Variants in DYNC2H1 observed in about 807,000 individuals in gnomAD.
DYNC2H1 encodes dynein cytoplasmic 2 heavy chain 1.
In DYNC2H1, 410 loss-of-function variants were observed where a neutral mutation model predicts 570.0. The ratio of observed to expected loss-of-function variants is 0.72; its 90% CI spans 0.66 to 0.78. The LOEUF (loss-of-function observed/expected upper bound fraction) is 0.78, where lower values mean the gene tolerates loss of function less well. Among genes scored for constraint, DYNC2H1 ranks in the 30% least tolerant of loss-of-function variants. DYNC2H1 has a pLI of 0.00. For missense variants in DYNC2H1, 4,865 were observed against 5,046.4 expected, an observed-to-expected ratio of 0.96 and a Z score of 1.09; for synonymous variants, 1,688 against 1,677.6, an observed-to-expected ratio of 1.01 and a Z score of -0.15.
intron 83 of DYNC2H1, among the ~76,000 whole-genome samples, chr11:103,359,637 C>G (rs916559965): frequency 4.0e-5 from 6 of 151,258 alleles, no homozygotes; most frequent in Non-Finnish European, 7.4e-5. Flanking sequence ...CTCTGCCTTT[C>G]CCCAAACCCT....
rs115184909 is a variant in DYNC2H1 at position 103,422,708 on chromosome 11, A to G, written c.12367-13235A>G. On this transcript the variant is annotated intron_variant, in intron 84 of 88. Transcript: ENST00000375735. ...CATATCTCAGGATAGAGAGCCATAT[A>G]TGACAAACCCATAGTGATGTAATAA... Among the ~76,000 whole-genome samples, 761 of 152,308 alleles carry G rather than the reference A, an allele frequency of 5.0e-3. 6 individuals carry two copies. The highest frequency in any genetic ancestry group is 0.017 in the African/African-American group (726 of 41,580).
At chr11:103,457,205 A>G (rs1191697478) in intron 87 of DYNC2H1, among the ~76,000 whole-genome samples, 1 of 152,258 alleles carries the variant, frequency 6.6e-6, no homozygotes, top group Non-Finnish European at 1.5e-5. Flanking sequence ...ATAATTATGT[A>G]TAGTACATAA....
intron 70 of DYNC2H1, among the ~76,000 whole-genome samples, chr11:103,272,532 C>T (rs1254806979): frequency 6.6e-6 from 1 of 152,048 alleles, no homozygotes; most frequent in African/African-American, 2.4e-5. Context: ...TGTAGCAAAC[C>T]TGCACGTTGT....
At position 103,256,350 on chromosome 11, in the gene DYNC2H1, A is replaced by T; in HGVS notation, c.10461+110A>T. On this transcript the variant is annotated intron_variant, in intron 68 of 88. Transcript: ENST00000375735. The surrounding 1 kb of genome is among the most constrained non-coding windows in gnomAD (Gnocchi z 4.0). ...CAGGGGAAAGATGATGTGAAAAGAA[A>T]AAAGCTATTCAAAAACATCAGAACA... The T allele has an allele frequency of 8.8e-7, 1 of 1,133,360 alleles. No individual in the cohort carries two copies. The highest frequency in any genetic ancestry group is 1.2e-6 in the Non-Finnish European group (1 of 814,442). The allele number at this position is 1,133,360 out of a possible 1,614,324, so 70.2% of individuals were successfully genotyped here.
At chr11:103,445,651 TTTG>T (rs893673772) in intron 85 of DYNC2H1, among the ~76,000 whole-genome samples, 23 of 152,068 alleles carry the variant, frequency 1.5e-4, no homozygotes, top group African/African-American at 4.6e-4. Flanking sequence ...ATTTCAAAGT[TTTG>T]TTGTTGTTGT....
chr11:103,320,816 G>T (rs1403658504), intron 80 of DYNC2H1, among the ~76,000 whole-genome samples: 1 of 151,898 alleles, frequency 6.6e-6, no homozygotes, highest in Non-Finnish European at 1.5e-5. Flanking sequence ...TTCTATCTTT[G>T]CTATAAGGAT....
intron 47 of DYNC2H1, among the ~76,000 whole-genome samples, chr11:103,194,688 CTTCAT>C (rs951085170): frequency 1.3e-5 from 2 of 151,656 alleles, no homozygotes; most frequent in African/African-American, 4.8e-5. Flanking sequence ...GGTGGAATGT[CTTCAT>C]TTCTTTTATC....
At chr11:103,344,553 C>A (rs1262056433) in intron 82 of DYNC2H1, among the ~76,000 whole-genome samples, 1 of 152,088 alleles carries the variant, frequency 6.6e-6, no homozygotes, top group Non-Finnish European at 1.5e-5. Flanking sequence ...ACATTCATAC[C>A]CTAGGTATCT....
intron 83 of DYNC2H1, among the ~76,000 whole-genome samples, chr11:103,384,738 C>A (rs1161164136): frequency 6.6e-6 from 1 of 152,056 alleles, no homozygotes; most frequent in East Asian, 1.9e-4. Context: ...ATATTTTAGT[C>A]TGTCTTTCTT....
intron 84 of DYNC2H1, among the ~76,000 whole-genome samples, chr11:103,421,854 G>A (rs1029169738): frequency 1.3e-5 from 2 of 150,614 alleles, no homozygotes; most frequent in Admixed American, 1.3e-4. Flanking sequence ...AAATTACCGA[G>A]ATCAGAGCTG....
chr11:103,455,740 A>G (rs1251515168), intron 86 of DYNC2H1, among the ~76,000 whole-genome samples: 1 of 152,156 alleles, frequency 6.6e-6, no homozygotes, highest in Non-Finnish European at 1.5e-5. Context: ...ATTCTGCTGG[A>G]CAGTGCTGAC....
intron 17 of DYNC2H1, among the ~76,000 whole-genome samples, chr11:103,139,050 G>A (rs569983304): frequency 1.0e-4 from 15 of 150,000 alleles, no homozygotes; most frequent in South Asian, 2.1e-4. Flanking sequence ...CTGTGGGATC[G>A]GTGGTGATAT....
intron 39 of DYNC2H1, among the ~76,000 whole-genome samples, chr11:103,180,526 A>G (rs1018569032): frequency 1.3e-5 from 2 of 151,772 alleles, no homozygotes; most frequent in Admixed American, 1.3e-4. Flanking sequence ...ATATGATTTC[A>G]TGTAAAATAC....
At chr11:103,115,448 A>G (rs1398687084) in intron 4 of DYNC2H1, among the ~76,000 whole-genome samples, 153 bp downstream of exon 4, 2 of 152,200 alleles carry the variant, frequency 1.3e-5, no homozygotes, top group Non-Finnish European at 2.9e-5. Context: ...GTATATGTAA[A>G]ATGAATTGAG....
chr11:103,312,560 AAAAAAAC>A (rs1565486769), intron 79 of DYNC2H1, among the ~76,000 whole-genome samples: 4 of 111,280 alleles, frequency 3.6e-5, no homozygotes, highest in Admixed American at 1.1e-4. Flanking sequence ...AAAAAAAAAA[AAAAAAAC>A]CAATTGTAAT....
chr11:103,328,967 A>G (rs1938633683), intron 82 of DYNC2H1, among the ~76,000 whole-genome samples: 1 of 152,192 alleles, frequency 6.6e-6, no homozygotes, highest in East Asian at 1.9e-4. Context: ...CCATGCAATA[A>G]TGTTTATTTG....
At chr11:103,378,354 T>A (rs777250174) in intron 83 of DYNC2H1, among the ~76,000 whole-genome samples, 7 of 152,170 alleles carry the variant, frequency 4.6e-5, no homozygotes, top group Non-Finnish European at 7.3e-5. Context: ...AGTTCTAACA[T>A]TGTGGGACTG....
At chr11:103,114,667 G>A (rs941562756) in intron 3 of DYNC2H1, among the ~76,000 whole-genome samples, 4 of 152,108 alleles carry the variant, frequency 2.6e-5, no homozygotes, top group Admixed American at 2.6e-4. Flanking sequence ...TTGTTCCTAG[G>A]AGCAATACAA....
intron 84 of DYNC2H1, among the ~76,000 whole-genome samples, chr11:103,424,229 T>A (rs1943588468): frequency 6.6e-6 from 1 of 150,552 alleles, no homozygotes; most frequent in South Asian, 2.1e-4. Context: ...TCTAGAGAGG[T>A]GACTTTGATG....
Sources: allele counts gnomAD v4.1 joint callset (sites outside exome capture counted in the v4.1 genomes callset), GRCh38; gene constraint gnomAD v4.1.1; non-coding constraint Gnocchi (gnomAD v3.1); transcripts MANE v1.5; gene names NCBI Gene and HGNC (gene_info 2026-07-23, HGNC 2026-07-21).